Variants in ZNF804A observed in about 807,000 individuals in gnomAD.
ZNF804A encodes the protein zinc finger protein 804A.
In ZNF804A, 2 loss-of-function variants were observed where a neutral mutation model predicts 16.5. That is an observed-to-expected ratio of 0.12 (90% CI 0.05 to 0.38). The LOEUF (loss-of-function observed/expected upper bound fraction) is 0.38, where lower values mean the gene tolerates loss of function less well. Ranked by LOEUF, ZNF804A falls within the 10% of genes least tolerant of loss-of-function variation. ZNF804A has a pLI of 0.99. For synonymous variants in ZNF804A, 534 were observed against 489.6 expected, an observed-to-expected ratio of 1.09 and a Z score of -1.20; for missense variants, 1,473 against 1,390.7, an observed-to-expected ratio of 1.06 and a Z score of -0.94.
At chr2:184,754,866 G>A (rs1370323526) in intron 1 of ZNF804A, among the ~76,000 whole-genome samples, 3 of 151,804 alleles carry the variant, frequency 2.0e-5, no homozygotes, top group Non-Finnish European at 4.4e-5. Context: ...GAAGTTGAAG[G>A]AGAAGCAAGG....
intron 1 of ZNF804A, among the ~76,000 whole-genome samples, chr2:184,791,469 G>A (rs760364745): frequency 1.3e-5 from 2 of 152,082 alleles, no homozygotes; most frequent in Admixed American, 6.6e-5. Flanking sequence ...TCTTAAAAGA[G>A]GCTAATAATA....
chr2:184,689,469 G>A (rs574332793), intron 1 of ZNF804A, among the ~76,000 whole-genome samples: 1 of 151,924 alleles, frequency 6.6e-6, no homozygotes, highest in East Asian at 1.9e-4. Flanking sequence ...TACACTACCA[G>A]AATAACTAGA....
chr2:184,915,628 C>T (rs994191401), intron 2 of ZNF804A, among the ~76,000 whole-genome samples: 1 of 152,068 alleles, frequency 6.6e-6, no homozygotes, highest in African/African-American at 2.4e-5. Context: ...AGAAAATGAA[C>T]TGAATGGTCA....
At chr2:184,599,943 A>G (rs557624445) in intron 1 of ZNF804A, among the ~76,000 whole-genome samples, 4 of 152,306 alleles carry the variant, frequency 2.6e-5, no homozygotes, top group African/African-American at 9.6e-5. Context: ...AGAACTATAC[A>G]CCTCCATAAA....
chr2:184,618,649 G>A (rs1691369154), intron 1 of ZNF804A, among the ~76,000 whole-genome samples: 1 of 151,886 alleles, frequency 6.6e-6, no homozygotes, highest in South Asian at 2.1e-4. Flanking sequence ...AATTCATGTT[G>A]CAATTTTCTC....
chr2:184,819,080 C>T (rs1027954096), intron 1 of ZNF804A, among the ~76,000 whole-genome samples: 1 of 152,088 alleles, frequency 6.6e-6, no homozygotes, highest in Non-Finnish European at 1.5e-5. Context: ...TAGATATCTA[C>T]AGAACTCTCC....
chr2:184,938,799 A>G lies in ZNF804A; in HGVS notation c.3403A>G (p.Ile1135Val). Residue 1135 changes from isoleucine to valine, a missense_variant, in exon 4 of 4, where the codon ATC becomes GTC. Coordinates refer to ENST00000302277, the MANE Select transcript of ZNF804A (RefSeq NM_194250.2). Reference protein sequence around the residue: ...LQPHQQFLSQIPALTRTSLPQ... With the variant: ...LQPHQQFLSQVPALTRTSLPQ... The stretch of plus-strand genomic sequence containing the variant: ...GCCACACCAACAGTTTCTTTCCCAA[A>G]TCCCAGCTCTCACCAGAACCTCATT... The G allele has an allele frequency of 1.9e-6, 3 of 1,613,472 alleles. No individual in the cohort carries two copies. The highest frequency in any genetic ancestry group is 2.5e-6 in the Non-Finnish European group (3 of 1,179,732).
intron 1 of ZNF804A, among the ~76,000 whole-genome samples, chr2:184,704,752 A>G (rs1299898838): frequency 1.3e-5 from 2 of 152,142 alleles, no homozygotes; most frequent in Non-Finnish European, 2.9e-5. Context: ...TTATTTTCTT[A>G]GGGAATGAAT....
At chr2:184,881,748 T>C (rs1000623155) in intron 2 of ZNF804A, among the ~76,000 whole-genome samples, 1 of 152,036 alleles carries the variant, frequency 6.6e-6, no homozygotes, top group Non-Finnish European at 1.5e-5. Flanking sequence ...AATTTCATAA[T>C]GACCAAATAA....
intron 1 of ZNF804A, among the ~76,000 whole-genome samples, chr2:184,707,627 T>C (rs950228588): frequency 2.0e-5 from 3 of 152,190 alleles, no homozygotes; most frequent in Admixed American, 6.5e-5. Flanking sequence ...ATTTTATTCT[T>C]TTTATGGCTA....
At position 184,721,830 on chromosome 2, in the gene ZNF804A, G is replaced by A. The variant is rs147445124; in HGVS notation, c.111+122760G>A. On this transcript the variant is annotated intron_variant, in intron 1 of 3. Coordinates refer to ENST00000302277, the MANE Select transcript of ZNF804A (RefSeq NM_194250.2). ...ACTATTCAAAATAGCAAAGATACAG[G>A]ATCAGCCTAATGTCTATCAATGAAT... Among the ~76,000 whole-genome samples, 324 of 152,092 alleles carry A rather than the reference G, an allele frequency of 2.1e-3. 1 individual carries two copies. Among genetic ancestry groups the A allele is most frequent in the African/African-American group, 7.1e-3 (296 of 41,502 alleles).
intron 1 of ZNF804A, among the ~76,000 whole-genome samples, chr2:184,772,442 A>G (rs1305573096): frequency 1.3e-5 from 2 of 151,964 alleles, no homozygotes; most frequent in East Asian, 3.9e-4. Flanking sequence ...AGACTTATCC[A>G]TGCTGTAGGA....
intron 2 of ZNF804A, among the ~76,000 whole-genome samples, chr2:184,867,883 A>G (rs1246129828): frequency 6.6e-6 from 1 of 152,058 alleles, no homozygotes; most frequent in Non-Finnish European, 1.5e-5. Flanking sequence ...ATATTACTAC[A>G]CATATGTCTC....
chr2:184,602,189 C>A (rs181891306), intron 1 of ZNF804A, among the ~76,000 whole-genome samples: 101 of 151,914 alleles, frequency 6.6e-4, no homozygotes, highest in Non-Finnish European at 3.5e-4. Flanking sequence ...TTAATGTTGA[C>A]CCTATTTATG....
chr2:184,900,695 C>G (rs953837204), intron 2 of ZNF804A, among the ~76,000 whole-genome samples: 3 of 152,028 alleles, frequency 2.0e-5, no homozygotes, highest in Admixed American at 2.0e-4. Flanking sequence ...CCAGAGAAGA[C>G]TGGGAATGCT....
At chr2:184,917,783 T>C (rs1222407285) in intron 2 of ZNF804A, among the ~76,000 whole-genome samples, 1 of 149,446 alleles carries the variant, frequency 6.7e-6, no homozygotes, top group Non-Finnish European at 1.5e-5. Context: ...AGATAAGGCA[T>C]AACTAGCACA....
At chr2:184,756,934 T>C (rs1464543294) in intron 1 of ZNF804A, among the ~76,000 whole-genome samples, 2 of 152,064 alleles carry the variant, frequency 1.3e-5, no homozygotes, top group African/African-American at 4.8e-5. Flanking sequence ...TTTATGACTT[T>C]AAAACTTAGC....
intron 1 of ZNF804A, among the ~76,000 whole-genome samples, chr2:184,844,901 C>G (rs953255122): frequency 4.8e-4 from 73 of 151,956 alleles, no homozygotes; most frequent in African/African-American, 1.6e-3. Context: ...TTTTGTTCTG[C>G]TTATTTGCTT....
intron 1 of ZNF804A, among the ~76,000 whole-genome samples, chr2:184,815,994 A>T (rs1003867455): frequency 3.3e-5 from 5 of 152,068 alleles, no homozygotes; most frequent in Non-Finnish European, 7.4e-5. Flanking sequence ...ATTTTAAAAT[A>T]TACAGGTACA....
Sources: gnomAD v4.1 joint callset for allele counts (sites outside exome capture counted in the v4.1 genomes callset) on GRCh38, gnomAD v4.1.1 for gene constraint, MANE v1.5 for transcripts, NCBI Gene and HGNC (gene_info 2026-07-23, HGNC 2026-07-21) for gene names.